NELL1: variants seen among roughly 807,000 people sequenced by gnomAD.
The protein encoded by NELL1 is neural EGFL like 1.
A neutral mutation model predicts 107.4 loss-of-function variants in NELL1; 76 were observed. The observed-to-expected ratio is 0.71, with a 90% confidence interval of 0.59 to 0.86. The LOEUF is 0.86. Among genes scored for constraint, NELL1 ranks in the 40% least tolerant of loss-of-function variants. The probability of loss-of-function intolerance (pLI) is 0.00; values close to 1 mark genes in which losing one functional copy is unlikely to be tolerated. For missense variants in NELL1, 1,024 were observed against 1,005.5 expected (o/e 1.02, Z -0.25); for synonymous variants, 353 against 341.2 (o/e 1.03, Z -0.38).
chr11:21,202,259 A>C (rs1288922296), intron 13 of NELL1, among the ~76,000 whole-genome samples: 1 of 152,060 alleles, frequency 6.6e-6, no homozygotes, highest in Non-Finnish European at 1.5e-5. Context: ...CTGGTCCTGG[A>C]CTTTTTTTGG....
intron 15 of NELL1, among the ~76,000 whole-genome samples, chr11:21,456,503 G>T (rs1171706599): frequency 6.6e-6 from 1 of 151,752 alleles, no homozygotes; most frequent in East Asian, 1.9e-4. Context: ...ATAAATTGTT[G>T]GGGATTTTAT....
intron 2 of NELL1, among the ~76,000 whole-genome samples, chr11:20,684,684 A>G (rs931949964): frequency 1.3e-5 from 2 of 151,938 alleles, no homozygotes; most frequent in African/African-American, 4.8e-5. Context: ...GCTTTTGTGT[A>G]TTTTTATAAA....
At chr11:21,123,317 G>A (rs1208141844) in intron 13 of NELL1, among the ~76,000 whole-genome samples, 2 of 147,128 alleles carry the variant, frequency 1.4e-5, no homozygotes, top group African/African-American at 5.1e-5. Context: ...CTTTGTCAAG[G>A]AAGATGTGTG....
chr11:20,696,690 A>C (rs1854626262), intron 2 of NELL1, among the ~76,000 whole-genome samples: 1 of 152,126 alleles, frequency 6.6e-6, no homozygotes, highest in Non-Finnish European at 1.5e-5. Flanking sequence ...TTTGGTCTAC[A>C]TCTTACCATT....
chr11:21,277,899 T>G (rs1229154257), intron 14 of NELL1, among the ~76,000 whole-genome samples: 2 of 152,048 alleles, frequency 1.3e-5, no homozygotes, highest in Admixed American at 6.5e-5. Context: ...GGGCCTGTTG[T>G]GGGGTGAGGG....
intron 15 of NELL1, among the ~76,000 whole-genome samples, chr11:21,488,262 C>A (rs118179290): frequency 1.3e-5 from 2 of 151,734 alleles, no homozygotes; most frequent in Non-Finnish European, 2.9e-5. Flanking sequence ...CCAGGATAGA[C>A]CGTATGTTAG....
chr11:20,733,203 T>C (rs1394493890), intron 2 of NELL1, among the ~76,000 whole-genome samples: 1 of 152,190 alleles, frequency 6.6e-6, no homozygotes, highest in Admixed American at 6.5e-5. Flanking sequence ...GAGTCTTTGT[T>C]CTCTCCTACA....
intron 15 of NELL1, among the ~76,000 whole-genome samples, chr11:21,376,679 T>G (rs1452575462): frequency 6.6e-6 from 1 of 152,144 alleles, no homozygotes. Context: ...TTCCAATCCA[T>G]GAGCATGGAA....
chr11:20,909,580 T>C (rs909488487), intron 5 of NELL1, among the ~76,000 whole-genome samples: 1 of 134,096 alleles, frequency 7.5e-6, no homozygotes, highest in African/African-American at 2.4e-5. Flanking sequence ...CTTGTGTTGC[T>C]TTGCTTTTTG....
intron 2 of NELL1, among the ~76,000 whole-genome samples, chr11:20,761,150 A>G (rs1316535990): frequency 1.3e-5 from 2 of 152,218 alleles, no homozygotes; most frequent in Non-Finnish European, 2.9e-5. Flanking sequence ...TTGCATCTGC[A>G]CATAACCACT....
At chr11:21,056,343 C>A (rs1853614758) in intron 12 of NELL1, among the ~76,000 whole-genome samples, 1 of 152,112 alleles carries the variant, frequency 6.6e-6, no homozygotes. Context: ...AGAAGTCAAA[C>A]TGATTATAGT....
chr11:20,862,880 G>A (rs1193348861), intron 4 of NELL1, among the ~76,000 whole-genome samples: 1 of 152,064 alleles, frequency 6.6e-6, no homozygotes, highest in African/African-American at 2.4e-5. Context: ...ATTTAACCCT[G>A]GGTGGACACA....
At chr11:21,082,508 C>G (rs1854292455) in intron 12 of NELL1, among the ~76,000 whole-genome samples, 1 of 152,136 alleles carries the variant, frequency 6.6e-6, no homozygotes, top group Non-Finnish European at 1.5e-5. Context: ...CTAGTTCTTT[C>G]TCTCCAATCC....
intron 15 of NELL1, among the ~76,000 whole-genome samples, chr11:21,409,179 C>G (rs150808227): frequency 0.018 from 2,741 of 152,156 alleles, 83 homozygotes; most frequent in African/African-American, 0.063. Context: ...TTGGAACCAA[C>G]CCAAATGTCC....
At chr11:20,913,569 T>TA (rs1850180178) in intron 5 of NELL1, among the ~76,000 whole-genome samples, 1 of 152,102 alleles carries the variant, frequency 6.6e-6, no homozygotes. Context: ...CCCTAAACAT[T>TA]AAAAATCCAT....
chr11:21,459,846 C>A (rs1331997531), intron 15 of NELL1, among the ~76,000 whole-genome samples: 1 of 151,906 alleles, frequency 6.6e-6, no homozygotes, highest in African/African-American at 2.4e-5. Context: ...TGTATGCAGA[C>A]CAATGAACTA....
chr11:20,991,402 A>G (rs1851968448), intron 12 of NELL1, among the ~76,000 whole-genome samples: 1 of 152,208 alleles, frequency 6.6e-6, no homozygotes, highest in Non-Finnish European at 1.5e-5. Context: ...AAAATTAATA[A>G]TATGCTCTTA....
chr11:21,509,645 G>C (rs903313279), intron 15 of NELL1, among the ~76,000 whole-genome samples: 1 of 152,030 alleles, frequency 6.6e-6, no homozygotes, highest in African/African-American at 2.4e-5. Flanking sequence ...GTTATTTAGG[G>C]ATTCATACAT....
intron 16 of NELL1, among the ~76,000 whole-genome samples, chr11:21,538,018 T>A (rs1412065881): frequency 6.6e-6 from 1 of 152,168 alleles, no homozygotes; most frequent in Non-Finnish European, 1.5e-5. Flanking sequence ...TAACATAGCT[T>A]AATAGCACTG....
Sources: gnomAD v4.1 joint callset for allele counts (sites outside exome capture counted in the v4.1 genomes callset) on GRCh38, gnomAD v4.1.1 for gene constraint, MANE v1.5 for transcripts, NCBI Gene and HGNC (gene_info 2026-07-23, HGNC 2026-07-21) for gene names.